Variants in DIP2A observed in about 807,000 individuals in gnomAD.
The protein encoded by DIP2A is disco-interacting protein 2 homolog A.
In DIP2A, 85 loss-of-function variants were observed where a neutral mutation model predicts 177.4. The ratio of observed to expected loss-of-function variants is 0.48; its 90% CI spans 0.40 to 0.57. The LOEUF (loss-of-function observed/expected upper bound fraction) is 0.57. Ranked by LOEUF, DIP2A falls within the 20% of genes least tolerant of loss-of-function variation. The pLI is 0.00. For synonymous variants in DIP2A, 886 were observed against 881.8 expected (o/e 1.00, Z -0.08); for missense variants, 1,791 against 2,100.2 (o/e 0.85, Z 2.88).
intron 8 of DIP2A, among the ~76,000 whole-genome samples, chr21:46,514,617 CTTTTTT>C (rs752628688): frequency 1.4e-5 from 1 of 70,526 alleles, no homozygotes; most frequent in Non-Finnish European, 2.5e-5. Flanking sequence ...AACTTTTATT[CTTTTTT>C]TTTTTTTTTT....
At chr21:46,551,442 A>G (rs2060268554) in intron 23 of DIP2A, among the ~76,000 whole-genome samples, 192 bp from the exon 24 acceptor site, 1 of 152,140 alleles carries the variant, frequency 6.6e-6, no homozygotes, top group Admixed American at 6.5e-5. Flanking sequence ...GGCGTAGTTT[A>G]TGTTCAAGAG....
intron 1 of DIP2A, among the ~76,000 whole-genome samples, chr21:46,483,311 A>G (rs1568940958): frequency 1.3e-5 from 2 of 151,688 alleles, no homozygotes; most frequent in African/African-American, 4.9e-5. Context: ...AGAAGCTATA[A>G]GAAAATATGT....
chr21:46,518,636 C>A (rs148137539), intron 8 of DIP2A, among the ~76,000 whole-genome samples: 95 of 152,282 alleles, frequency 6.2e-4, no homozygotes, highest in Non-Finnish European at 1.2e-3. Context: ...ATGGGTGAAT[C>A]ACTTGAGGCT....
rs1207769786 is a variant in DIP2A at position 46,557,511 on chromosome 21, T to C, written c.3630-74T>C. ...TGTTGTGGCTGGAAAAGAAGTGTTCTTGAGGAAGGGAAGAGTGGAGTGCCC... is the reference window on the plus strand; with the variant it reads ...TGTTGTGGCTGGAAAAGAAGTGTTCCTGAGGAAGGGAAGAGTGGAGTGCCC... On this transcript the variant is annotated intron_variant, in intron 30 of 37. Coordinates refer to ENST00000417564, the MANE Select transcript of DIP2A (RefSeq NM_015151.4). This position sits in a 1 kb window ranked among gnomAD's most constrained non-coding sequence, Gnocchi z 6.0. 5 of 1,499,802 alleles carry C rather than the reference T, an allele frequency of 3.3e-6. No homozygotes were observed. The African/African-American group carries it at 6.9e-5, about 21-fold the overall frequency. 92.9% of individuals were successfully genotyped at this position (1,499,802 alleles called of 1,614,324 possible).
intron 9 of DIP2A, among the ~76,000 whole-genome samples, chr21:46,530,730 G>C (rs2059321643): frequency 6.6e-6 from 1 of 152,168 alleles, no homozygotes; most frequent in Non-Finnish European, 1.5e-5. Context: ...CCTGGAGAGT[G>C]TAAACATTCA....
chr21:46,567,199 T>A (rs758360944), intron 37 of DIP2A, among the ~76,000 whole-genome samples, 171 bp from the exon 38 acceptor site: 27 of 152,264 alleles, frequency 1.8e-4, no homozygotes, highest in Non-Finnish European at 3.1e-4. Context: ...TTAGTTGGAA[T>A]AGACATCCTG....
In DIP2A at chr21:46,487,027, G is replaced by T. The variant is rs1662898237; in HGVS notation, c.163+2199G>T. ...ATCTGTTAATATTTAGAGAGCTGGT[G>T]TAGTGAGTCCAGAAAGAGAAGGAAA... On this transcript the variant is annotated intron_variant, in intron 2 of 37. Transcript: ENST00000417564. Among the ~76,000 whole-genome samples, 2 of 152,194 alleles carry T rather than the reference G, an allele frequency of 1.3e-5. 1 individual carries two copies. Among genetic ancestry groups the T allele is most frequent in the Admixed American group, 1.3e-4 (2 of 15,284 alleles).
At chr21:46,543,276 GGTAA>G (rs1402500974) in intron 18 of DIP2A, among the ~76,000 whole-genome samples, 1 of 152,202 alleles carries the variant, frequency 6.6e-6, no homozygotes, top group Non-Finnish European at 1.5e-5. Context: ...GGAAAATACA[GGTAA>G]GTGTTTAAAC....
intron 6 of DIP2A, 36 bp downstream of exon 6, chr21:46,504,525 G>A (rs368614613): frequency 1.3e-6 from 2 of 1,569,392 alleles, no homozygotes; most frequent in Non-Finnish European, 1.7e-6. Context: ...TGAAATAGCA[G>A]AACACAGGTT....
chr21:46,541,500 C>T (rs575628457), intron 17 of DIP2A, among the ~76,000 whole-genome samples: 4 of 152,294 alleles, frequency 2.6e-5, no homozygotes, highest in Non-Finnish European at 5.9e-5. Flanking sequence ...ACGTTACTGG[C>T]CTGCATTGGA....
At chr21:46,553,074 G>A (rs1194278297) in intron 25 of DIP2A, 2 of 152,322 alleles carry the variant, frequency 1.3e-5, no homozygotes, top group Admixed American at 6.5e-5. Flanking sequence ...TAAGGCTGGG[G>A]GTCGCTGGGT....
At chr21:46,495,120 T>C (rs2057231657) in intron 3 of DIP2A, among the ~76,000 whole-genome samples, 1 of 152,132 alleles carries the variant, frequency 6.6e-6, no homozygotes, top group Non-Finnish European at 1.5e-5. Flanking sequence ...GGGTCTGTAC[T>C]TCATCTCTCT....
rs1313251599 is a variant in DIP2A, at chr21:46,490,741, TG to T, written c.283+26del. 1.9e-6 allele frequency: 3 copies of T among 1,552,642 alleles called. No homozygotes were observed. The African/African-American group carries it at 4.1e-5, about 21-fold the overall frequency. ...TCAGGTAGGGTCACAGCCTAGGCAGTGGGGAAGGTGGACGGGCCTGGAGCCC... is the reference window on the plus strand; with the variant it reads ...TCAGGTAGGGTCACAGCCTAGGCAGTGGGAAGGTGGACGGGCCTGGAGCCC... On this transcript the variant is annotated intron_variant, in intron 3 of 37. Transcript: ENST00000417564.
In DIP2A at chr21:46,551,813, C is replaced by G. The variant is rs776719443; in HGVS notation, c.2950-11C>G. 6.2e-7 allele frequency: 1 copy of G among 1,612,878 alleles called. No homozygotes were observed. Among genetic ancestry groups the G allele is most frequent in the South Asian group, 1.1e-5 (1 of 90,852 alleles). On this transcript the variant is annotated splice_polypyrimidine_tract_variant and intron_variant, in intron 24 of 37. Coordinates refer to ENST00000417564, the MANE Select transcript of DIP2A (RefSeq NM_015151.4). ...CGGAGGCGCCAGTGAGCAAGTCGCCCTCTCGTGCAGTTCCTGTTCCTGGCT... is the reference window on the plus strand; with the variant it reads ...CGGAGGCGCCAGTGAGCAAGTCGCCGTCTCGTGCAGTTCCTGTTCCTGGCT...
At chr21:46,517,264 A>G (rs1433425344) in intron 8 of DIP2A, among the ~76,000 whole-genome samples, 2 of 151,218 alleles carry the variant, frequency 1.3e-5, no homozygotes, top group Non-Finnish European at 3.0e-5. Flanking sequence ...TTTTTTATAG[A>G]GATGGGGTTT....
At chr21:46,546,255 T>C in intron 20 of DIP2A, 2 of 1,203,224 alleles carry the variant, frequency 1.7e-6, no homozygotes, top group Non-Finnish European at 1.0e-6. Flanking sequence ...TATATCATTC[T>C]TTACCATTTT....
Position 46,567,630 on chromosome 21 carries a change from A to C in DIP2A, c.*8A>C. 6.4e-7 allele frequency: 1 copy of C among 1,572,252 alleles called. No individual in the cohort carries two copies. The highest frequency in any genetic ancestry group is 8.6e-7 in the Non-Finnish European group (1 of 1,156,766). The stretch of plus-strand genomic sequence containing the variant: ...GTCGCCTACAACATGTGAGCGCAGC[A>C]CACCGGCCCAGGTGCCGGAGATGAA... On this transcript the variant is annotated 3_prime_UTR_variant, in exon 38 of 38. Coordinates refer to ENST00000417564, the MANE Select transcript of DIP2A (RefSeq NM_015151.4).
At chr21:46,490,386 A>T (rs560442240) in intron 2 of DIP2A, among the ~76,000 whole-genome samples, 3 of 152,270 alleles carry the variant, frequency 2.0e-5, no homozygotes, top group Non-Finnish European at 2.9e-5. Context: ...GGTGAATGAG[A>T]GGCAGGGCTG....
intron 1 of DIP2A, among the ~76,000 whole-genome samples, chr21:46,468,200 A>C (rs1303238214): frequency 1.4e-5 from 2 of 138,628 alleles, no homozygotes; most frequent in Non-Finnish European, 3.0e-5. Context: ...CAGGAGCCGG[A>C]GGCTGCAGTG....
Sources: allele counts gnomAD v4.1 joint callset (sites outside exome capture counted in the v4.1 genomes callset), GRCh38; gene constraint gnomAD v4.1.1; non-coding constraint Gnocchi (gnomAD v3.1); transcripts MANE v1.5; gene names NCBI Gene and HGNC (gene_info 2026-07-23, HGNC 2026-07-21).